Variants in NWD2 observed in about 807,000 individuals in gnomAD.
NWD2 encodes NACHT and WD repeat domain containing 2, also known as NACHT and WD repeat domain-containing protein 2.
NWD2 carries 37 observed loss-of-function variants against 132.7 expected under a neutral mutation model. That is an observed-to-expected ratio of 0.28 (90% CI 0.21 to 0.37). NWD2 has a LOEUF of 0.37. NWD2 is among the 10% of genes least tolerant of loss of function. The pLI, the probability that NWD2 is intolerant of heterozygous loss-of-function variation, is 1.00. For synonymous variants in NWD2, 705 were observed against 803.0 expected, an observed-to-expected ratio of 0.88 and a Z score of 2.06; for missense variants, 1,592 against 2,122.4, an observed-to-expected ratio of 0.75 and a Z score of 4.91.
intron 3 of NWD2, among the ~76,000 whole-genome samples, chr4:37,419,952 A>G (rs1485285934): frequency 6.6e-6 from 1 of 152,194 alleles, no homozygotes; most frequent in Non-Finnish European, 1.5e-5. Context: ...TACATCTTCA[A>G]AATGTTATAC....
At chr4:37,390,100 C>T (rs1423437911) in intron 3 of NWD2, among the ~76,000 whole-genome samples, 1 of 152,156 alleles carries the variant, frequency 6.6e-6, no homozygotes, top group Non-Finnish European at 1.5e-5. Flanking sequence ...AAATCATAAG[C>T]ATTTTGTTTT....
chr4:37,298,920 A>G (rs1216136076), intron 1 of NWD2, among the ~76,000 whole-genome samples: 1 of 152,174 alleles, frequency 6.6e-6, no homozygotes, highest in African/African-American at 2.4e-5. Flanking sequence ...TATAGATTGT[A>G]TGGACATTGT....
chr4:37,304,705 C>T lies in NWD2; in HGVS notation c.152-21231C>T, dbSNP rs545575245. 5.3e-5 allele frequency among the ~76,000 whole-genome samples: 8 copies of T among 152,292 alleles called. No individual in the cohort carries two copies. In the South Asian group the frequency reaches 8.3e-4, roughly 16 times the overall value. ...AATAATCTTTGACCCCAGGCCACAC[C>T]GATGCAAGGGGTGGACTCCCAAGGC... is the stretch of plus-strand genomic sequence containing the variant. On this transcript the variant is annotated intron_variant, in intron 1 of 6. Transcript: ENST00000309447.
At chr4:37,434,726 G>A (rs563314200) in intron 5 of NWD2, among the ~76,000 whole-genome samples, 2 of 151,680 alleles carry the variant, frequency 1.3e-5, no homozygotes, top group East Asian at 3.9e-4. Context: ...TCTGAGACAG[G>A]AACGTGCTTA....
intron 5 of NWD2, among the ~76,000 whole-genome samples, chr4:37,434,560 T>C (rs958984216): frequency 1.3e-5 from 2 of 152,154 alleles, no homozygotes; most frequent in African/African-American, 4.8e-5. Context: ...CATAGGATAA[T>C]AGTGACTGAT....
intron 3 of NWD2, among the ~76,000 whole-genome samples, chr4:37,427,919 GT>G (rs1712053300): frequency 6.6e-6 from 1 of 152,204 alleles, no homozygotes; most frequent in African/African-American, 2.4e-5. Context: ...TTCCCAAATT[GT>G]TACTCTACCT....
intron 1 of NWD2, among the ~76,000 whole-genome samples, chr4:37,246,505 G>A (rs1302124299): frequency 2.0e-5 from 3 of 152,138 alleles, no homozygotes; most frequent in African/African-American, 7.2e-5. Context: ...AGAACTTAAG[G>A]AGGCTTTTAG....
Position 37,447,669 on chromosome 4 carries a change from C to T in NWD2, c.*452C>T, listed in dbSNP as rs1354199150. 1 of 179,234 alleles carries T rather than the reference C, an allele frequency of 5.6e-6. No homozygotes were observed. Among genetic ancestry groups the T allele is most frequent in the Non-Finnish European group, 1.2e-5 (1 of 83,216 alleles). 11.1% of individuals were successfully genotyped at this position (179,234 alleles called of 1,614,324 possible). A position where few individuals can be genotyped will look rare whatever the true frequency, so the allele number is the denominator to read the frequency against. ...AGCCTTAATCTCTCTTTACATTTTA[C>T]AGTCCTGACAACTGTGTACACCTAG... On this transcript the variant is annotated 3_prime_UTR_variant, in exon 7 of 7. Coordinates refer to ENST00000309447, the MANE Select transcript of NWD2 (RefSeq NM_001144990.2).
At chr4:37,312,020 T>C (rs1184606881) in intron 1 of NWD2, among the ~76,000 whole-genome samples, 3 of 152,092 alleles carry the variant, frequency 2.0e-5, no homozygotes, top group Non-Finnish European at 4.4e-5. Context: ...CATGCTGTTT[T>C]GGTTACTGTA....
Position 37,348,260 on chromosome 4 carries a change from C to T in NWD2, c.241-8106C>T, listed in dbSNP as rs28488876. On this transcript the variant is annotated intron_variant, in intron 2 of 6. Coordinates refer to ENST00000309447, the MANE Select transcript of NWD2 (RefSeq NM_001144990.2). ...TAGTTCTTTAATATTCAACTGTTAA[C>T]AAGTTCGTTAACATTCAACATTTAA... 7.2e-3 allele frequency among the ~76,000 whole-genome samples: 1,096 copies of T among 152,270 alleles called. 12 individuals carry two copies. The highest frequency in any genetic ancestry group is 0.025 in the African/African-American group (1,037 of 41,542).
At chr4:37,343,283 G>A (rs1198079931) in intron 2 of NWD2, among the ~76,000 whole-genome samples, 1 of 152,168 alleles carries the variant, frequency 6.6e-6, no homozygotes, top group African/African-American at 2.4e-5. Flanking sequence ...ATTGACCTTA[G>A]AAAGCTATGT....
At chr4:37,349,721 T>C (rs1719723270) in intron 2 of NWD2, among the ~76,000 whole-genome samples, 1 of 152,230 alleles carries the variant, frequency 6.6e-6, no homozygotes, top group South Asian at 2.1e-4. Context: ...TGGCTTTTGT[T>C]GCCATTGCTT....
At chr4:37,387,581 T>A (rs1720588699) in intron 3 of NWD2, among the ~76,000 whole-genome samples, 1 of 151,652 alleles carries the variant, frequency 6.6e-6, no homozygotes, top group South Asian at 2.1e-4. Context: ...CACCCTCTAC[T>A]GTAGCCTCCC....
At chr4:37,330,780 A>G (rs928804139) in intron 2 of NWD2, among the ~76,000 whole-genome samples, 2 of 151,974 alleles carry the variant, frequency 1.3e-5, no homozygotes, top group East Asian at 1.9e-4. Context: ...ACCCTACTTG[A>G]GTATTTCTGT....
intron 5 of NWD2, among the ~76,000 whole-genome samples, chr4:37,434,577 T>C (rs917261644): frequency 1.3e-5 from 2 of 152,122 alleles, no homozygotes; most frequent in African/African-American, 4.8e-5. Context: ...TGATAAAGGA[T>C]GTGGGGATCC....
intron 5 of NWD2, among the ~76,000 whole-genome samples, chr4:37,435,332 A>G (rs1445325214): frequency 6.6e-6 from 1 of 152,244 alleles, no homozygotes; most frequent in Non-Finnish European, 1.5e-5. Context: ...CACTGGATCC[A>G]TGTGGGTGAA....
chr4:37,334,602 A>C (rs1173348079), intron 2 of NWD2, among the ~76,000 whole-genome samples: 1 of 152,154 alleles, frequency 6.6e-6, no homozygotes, highest in African/African-American at 2.4e-5. Flanking sequence ...TGAACTCATA[A>C]ATCTGTCCCA....
chr4:37,347,039 A>C (rs1416943555), intron 2 of NWD2, among the ~76,000 whole-genome samples: 1 of 152,032 alleles, frequency 6.6e-6, no homozygotes, highest in Non-Finnish European at 1.5e-5. Flanking sequence ...CATTCATCTC[A>C]AAGTATCCCT....
chr4:37,361,279 A>G (rs1343993852), intron 3 of NWD2, among the ~76,000 whole-genome samples: 4 of 152,176 alleles, frequency 2.6e-5, no homozygotes, highest in Non-Finnish European at 5.9e-5. Context: ...TAGTGAAACT[A>G]TTCCAAAAAC....
Sources: allele counts gnomAD v4.1 joint callset (sites outside exome capture counted in the v4.1 genomes callset), GRCh38; gene constraint gnomAD v4.1.1; transcripts MANE v1.5; gene names NCBI Gene and HGNC (gene_info 2026-07-23, HGNC 2026-07-21).